Variants in PRLR observed in about 807,000 individuals in gnomAD.
The protein encoded by PRLR is hPRL receptor.
In PRLR, 13 loss-of-function variants were observed where a neutral mutation model predicts 40.2. That is an observed-to-expected ratio of 0.32 (90% CI 0.21 to 0.51). The LOEUF (loss-of-function observed/expected upper bound fraction) is 0.51, where lower values mean the gene tolerates loss of function less well. Among genes scored for constraint, PRLR ranks in the 20% least tolerant of loss-of-function variants. The pLI is 0.97. For synonymous variants in PRLR, 269 were observed against 278.7 expected, an observed-to-expected ratio of 0.97 and a Z score of 0.35; for missense variants, 656 against 747.3, an observed-to-expected ratio of 0.88 and a Z score of 1.42.
chr5:35,155,136 C>T (rs1774451182), intron 1 of PRLR, among the ~76,000 whole-genome samples: 2 of 152,104 alleles, frequency 1.3e-5, no homozygotes, highest in African/African-American at 2.4e-5. Flanking sequence ...ACATGTACCC[C>T]TGAACTTAAA....
chr5:35,137,495 G>A lies in PRLR; in HGVS notation c.-105-19373C>T, dbSNP rs572968856. Among the ~76,000 whole-genome samples the A allele has an allele frequency of 4.6e-5, 7 of 152,306 alleles. 1 individual carries two copies. Among genetic ancestry groups the A allele is most frequent in the East Asian group, 3.9e-4 (2 of 5,188 alleles). On this transcript the variant is annotated intron_variant, in intron 1 of 9. Coordinates refer to ENST00000618457, the MANE Select transcript of PRLR (RefSeq NM_000949.7). The stretch of plus-strand genomic sequence containing the variant: ...GGAGGCATCACCAGAAAGGTCCAGC[G>A]TTCCTAGAAATCCAGTAAGAAAGTT...
At chr5:35,066,283 T>TTTTTTTTTTTTTTTTTTTTTTTTGAG (rs1561261642) in intron 9 of PRLR, among the ~76,000 whole-genome samples, 181 bp from the exon 10 acceptor site, 1 of 152,054 alleles carries the variant, frequency 6.6e-6, no homozygotes, top group African/African-American at 2.4e-5. Context: ...TTTTTTTTTT[T>TTTTTTTTTTTTTTTTTTTTTTTTGAG]AAAGTCAACT....
At chr5:35,161,007 G>C (rs1469808709) in intron 1 of PRLR, among the ~76,000 whole-genome samples, 1 of 152,286 alleles carries the variant, frequency 6.6e-6, no homozygotes, top group Middle Eastern at 3.4e-3. Context: ...TTGTGTAGTG[G>C]GCAGGAAGAA....
At chr5:35,195,356 G>A (rs896927584) in intron 1 of PRLR, 1 of 152,416 alleles carries the variant, frequency 6.6e-6, no homozygotes, top group South Asian at 2.1e-4. Flanking sequence ...GAGCCTCGGT[G>A]TTGGCCTTTT....
At chr5:35,147,483 A>G (rs1231003794) in intron 1 of PRLR, among the ~76,000 whole-genome samples, 3 of 152,194 alleles carry the variant, frequency 2.0e-5, no homozygotes, top group Non-Finnish European at 4.4e-5. Flanking sequence ...GTAGGAGTTG[A>G]TAATCAGACA....
chr5:35,109,620 T>G (rs1289674254), intron 2 of PRLR, among the ~76,000 whole-genome samples: 2 of 152,168 alleles, frequency 1.3e-5, no homozygotes, highest in Non-Finnish European at 2.9e-5. Flanking sequence ...GAAAAAATGC[T>G]CATCATCACT....
At chr5:35,192,779 T>C (rs1775641228) in intron 1 of PRLR, among the ~76,000 whole-genome samples, 1 of 152,200 alleles carries the variant, frequency 6.6e-6, no homozygotes, top group Non-Finnish European at 1.5e-5. Context: ...ATCTTTCACA[T>C]AGAAAGTTTT....
At chr5:35,143,867 A>G (rs969537331) in intron 1 of PRLR, among the ~76,000 whole-genome samples, 1 of 152,160 alleles carries the variant, frequency 6.6e-6, no homozygotes, top group South Asian at 2.1e-4. Flanking sequence ...TTCTAAAATC[A>G]ATGGGCCTTA....
intron 2 of PRLR, among the ~76,000 whole-genome samples, chr5:35,104,986 C>T (rs887101601): frequency 7.9e-5 from 12 of 152,324 alleles, no homozygotes; most frequent in Middle Eastern, 3.4e-3. Flanking sequence ...GGCCGACTGA[C>T]ACCTCATACA....
chr5:35,183,178 A>G (rs1775337933), intron 1 of PRLR, among the ~76,000 whole-genome samples: 1 of 152,160 alleles, frequency 6.6e-6, no homozygotes, highest in South Asian at 2.1e-4. Context: ...TCCAATTGCT[A>G]GAAAAACCCG....
rs143257577 is a variant in PRLR at position 35,117,461 on chromosome 5, G to C, written c.-44+600C>G. 1.2e-3 allele frequency among the ~76,000 whole-genome samples: 189 copies of C among 152,230 alleles called. 3 individuals carry two copies. The East Asian group carries it at 0.032, about 26-fold the overall frequency. The stretch of plus-strand genomic sequence containing the variant: ...CTGTAGTGTAGACAGAGGGAAGTCA[G>C]GGGGCTTGGTTTCTCCATCTGTAAA... On this transcript the variant is annotated intron_variant, in intron 2 of 9. Coordinates refer to ENST00000618457, the MANE Select transcript of PRLR (RefSeq NM_000949.7).
At chr5:35,145,083 C>T (rs1331406490) in intron 1 of PRLR, among the ~76,000 whole-genome samples, 2 of 152,140 alleles carry the variant, frequency 1.3e-5, no homozygotes, top group African/African-American at 2.4e-5. Flanking sequence ...CAAATCATCC[C>T]GGAGTGAATA....
At position 35,060,988 on chromosome 5, in the gene PRLR, C is replaced by G. The variant is rs976891891; in HGVS notation, c.*4101G>C. 1.3e-5 allele frequency: 2 copies of G among 152,192 alleles called. No individual in the cohort carries two copies. Among genetic ancestry groups the G allele is most frequent in the African/African-American group, 4.8e-5 (2 of 41,452 alleles). The allele number at this position is 152,192 out of a possible 1,614,324, so 9.4% of individuals were successfully genotyped here. On this transcript the variant is annotated 3_prime_UTR_variant, in exon 10 of 10. Transcript: ENST00000618457. ...CAGGCAAAGTAAGTCACACTATTCA[C>G]AACAGCTCTGTGTTGATTCAATTAA... is the stretch of plus-strand genomic sequence containing the variant.
chr5:35,212,173 G>T (rs1057407644), intron 1 of PRLR, among the ~76,000 whole-genome samples: 1 of 152,138 alleles, frequency 6.6e-6, no homozygotes, highest in Non-Finnish European at 1.5e-5. Flanking sequence ...TATACAATTG[G>T]CCAGGGCAGC....
At chr5:35,053,013 G>C (rs1296248414), downstream of PRLR, among the ~76,000 whole-genome samples, 1 of 152,108 alleles carries the variant, frequency 6.6e-6, no homozygotes, top group African/African-American at 2.4e-5. Flanking sequence ...TTCAACTTTT[G>C]TCAGTGACTT....
chr5:35,112,611 G>A (rs1772731890), intron 2 of PRLR, among the ~76,000 whole-genome samples: 1 of 152,000 alleles, frequency 6.6e-6, no homozygotes, highest in South Asian at 2.1e-4. Context: ...TATTGCCAGG[G>A]GTTTGAGCAT....
chr5:35,172,818 A>G (rs577072926), intron 1 of PRLR, among the ~76,000 whole-genome samples: 1 of 152,312 alleles, frequency 6.6e-6, no homozygotes, highest in East Asian at 1.9e-4. Flanking sequence ...CTGGGGTTAT[A>G]GAGGGGACTT....
At chr5:35,129,217 G>A (rs1032302510) in intron 1 of PRLR, among the ~76,000 whole-genome samples, 1 of 152,194 alleles carries the variant, frequency 6.6e-6, no homozygotes, top group African/African-American at 2.4e-5. Context: ...GATGCCAATT[G>A]AGAGAACTAA....
At chr5:35,078,352 T>TA (rs1328006519) in intron 5 of PRLR, among the ~76,000 whole-genome samples, 1 of 151,794 alleles carries the variant, frequency 6.6e-6, no homozygotes, top group Non-Finnish European at 1.5e-5. Flanking sequence ...ATACATGCAA[T>TA]AAAAAATGAT....
Sources: gnomAD v4.1 joint callset for allele counts (sites outside exome capture counted in the v4.1 genomes callset) on GRCh38, gnomAD v4.1.1 for gene constraint, MANE v1.5 for transcripts, NCBI Gene and HGNC (gene_info 2026-07-23, HGNC 2026-07-21) for gene names.